The following ABCB9 variants were observed in gnomAD, a reference collection of about 807,000 sequenced individuals.
ABCB9 encodes ABC-type oligopeptide transporter ABCB9.
A neutral mutation model predicts 62.0 loss-of-function variants in ABCB9; 36 were observed. The observed-to-expected ratio is 0.58, with a 90% CI of 0.45 to 0.77. ABCB9 has a LOEUF of 0.77. ABCB9 is among the 30% of genes least tolerant of loss of function. ABCB9 has a pLI of 0.00. For missense variants in ABCB9, 943 were observed against 1,054.7 expected (o/e 0.89, Z 1.47); for synonymous variants, 435 against 461.4 (o/e 0.94, Z 0.73).
At chr12:122,918,983 A>G (rs950614773), downstream of ABCB9, among the ~76,000 whole-genome samples, 1 of 152,172 alleles carries the variant, frequency 6.6e-6, no homozygotes, top group African/African-American at 2.4e-5. Context: ...TGTAAAAAGA[A>G]TCATACCATA....
chr12:122,928,919 G>T, downstream of ABCB9: 1 of 826,392 alleles, frequency 1.2e-6, no homozygotes, highest in Non-Finnish European at 1.5e-6. Context: ...AGAGAGGGCT[G>T]AGAGGAGAGC....
At position 122,929,155 on chromosome 12, in the gene ABCB9, C is replaced by T. The variant is rs939545893; in HGVS notation, c.*756G>A. ...GCCTCCAGACAGCAGAGCACAGGGG[C>T]GGGTGTGGGGAGGGAGGCTGCCAGC... On this transcript the variant is annotated 3_prime_UTR_variant, in exon 12 of 12. Coordinates refer to ENST00000280560, the MANE Select transcript of ABCB9 (RefSeq NM_019625.4). The surrounding 1 kb of genome is among the most constrained non-coding windows in gnomAD (Gnocchi z 6.0). 8.4e-5 allele frequency: 12 copies of T among 142,098 alleles called. No individual in the cohort carries two copies. The highest frequency in any genetic ancestry group is 1.6e-4 in the Non-Finnish European group (12 of 75,112). 8.8% of individuals were successfully genotyped at this position (142,098 alleles called of 1,614,324 possible).
rs907975643 is a variant in ABCB9, at chr12:122,932,656, A to T, written c.1904-328T>A. ...GAGTTGGAGCGAGCCCCATGGCTTG[A>T]AGAGCTGCAGCAATAACCCTGGGTC... On this transcript the variant is annotated intron_variant, in intron 10 of 11. Transcript: ENST00000280560. This position sits in a 1 kb window ranked among gnomAD's most constrained non-coding sequence, Gnocchi z 4.7. 7.2e-5 allele frequency among the ~76,000 whole-genome samples: 11 copies of T among 152,176 alleles called. No homozygotes were observed. Among genetic ancestry groups the T allele is most frequent in the African/African-American group, 2.4e-4 (10 of 41,456 alleles).
chr12:122,928,932 T>A, downstream of ABCB9: 1 of 895,640 alleles, frequency 1.1e-6, no homozygotes, highest in Non-Finnish European at 1.3e-6. Flanking sequence ...AGGAGAGCCG[T>A]GGTCTGGTGG....
At chr12:122,955,688 C>T (rs1295778034) in intron 2 of ABCB9, among the ~76,000 whole-genome samples, 1 of 151,966 alleles carries the variant, frequency 6.6e-6, no homozygotes, top group Admixed American at 6.6e-5. Flanking sequence ...AGCATAAATG[C>T]ATAGTTTTTT....
chr12:122,944,788 C>T lies in ABCB9; in HGVS notation c.1252-269G>A. On this transcript the variant is annotated intron_variant, in intron 6 of 11. Coordinates refer to ENST00000280560, the MANE Select transcript of ABCB9 (RefSeq NM_019625.4). The surrounding 1 kb of genome is among the most constrained non-coding windows in gnomAD (Gnocchi z 4.9). ...TTTGTGAGGTCCTGGCACACACATGCCACCCCCAGGCTCCTCAGCTTGGCC... is the reference window on the plus strand; with the variant it reads ...TTTGTGAGGTCCTGGCACACACATGTCACCCCCAGGCTCCTCAGCTTGGCC... The T allele has an allele frequency of 2.8e-6, 1 of 359,030 alleles. No homozygotes were observed. Among genetic ancestry groups the T allele is most frequent in the Non-Finnish European group, 5.3e-6 (1 of 189,638 alleles). The allele number at this position is 359,030 out of a possible 1,614,324, so 22.2% of individuals were successfully genotyped here.
rs1046367639 is a variant in ABCB9 at position 122,950,528 on chromosome 12, A to G, written c.639T>C (p.Ile213=). 1.2e-6 allele frequency: 2 copies of G among 1,613,272 alleles called. No individual in the cohort carries two copies. Among genetic ancestry groups the G allele is most frequent in the Non-Finnish European group, 1.7e-6 (2 of 1,179,980 alleles). Residue 213 remains isoleucine (I), a synonymous_variant, in exon 3 of 12, where the codon ATT becomes ATC. Transcript: ENST00000280560. Reference sequence around the variant, plus strand: ...TGCTTTTCTGGATGACGATGCCATCAATGGCGCGGCCCGTGTAGTAGGGCA... The same window carrying G: ...TGCTTTTCTGGATGACGATGCCATCGATGGCGCGGCCCGTGTAGTAGGGCA... ...TFLPYYTGRA[I]DGIVIQKSMD... is the part of the protein sequence containing the mutation.
rs1484409059 is a variant in ABCB9, at chr12:122,944,714, G to A, written c.1252-195C>T. 1.5e-6 allele frequency: 1 copy of A among 674,334 alleles called. No individual in the cohort carries two copies. The highest frequency in any genetic ancestry group is 1.8e-5 in the African/African-American group (1 of 55,218). The allele number at this position is 674,334 out of a possible 1,614,324, so 41.8% of individuals were successfully genotyped here. A position where few individuals can be genotyped will look rare whatever the true frequency, so the allele number is the denominator to read the frequency against. On this transcript the variant is annotated intron_variant, in intron 6 of 11. Coordinates refer to ENST00000280560, the MANE Select transcript of ABCB9 (RefSeq NM_019625.4). The surrounding 1 kb of genome is among the most constrained non-coding windows in gnomAD (Gnocchi z 4.9). Reference sequence around the variant, plus strand: ...CCTGCCCCGAGCATTTCCCTACAGAGGCCTCCAGCTGGAGCAGGCTGTGGG... The same window carrying A: ...CCTGCCCCGAGCATTTCCCTACAGAAGCCTCCAGCTGGAGCAGGCTGTGGG...
chr12:122,950,618 C>T, intron 2 of ABCB9, 53 bp from the exon 3 acceptor site: 1 of 1,449,552 alleles, frequency 6.9e-7, no homozygotes, highest in African/African-American at 1.4e-5. Flanking sequence ...GAACCCGCAC[C>T]CTTCCTCCTG....
At chr12:122,934,310 A>C (rs2035345705) in intron 10 of ABCB9, among the ~76,000 whole-genome samples, 1 of 152,154 alleles carries the variant, frequency 6.6e-6, no homozygotes, top group Non-Finnish European at 1.5e-5. Flanking sequence ...CCTAAGGGAA[A>C]ATTTTTATCT....
downstream of ABCB9, among the ~76,000 whole-genome samples, chr12:122,919,104 A>G (rs1451301555): frequency 7.9e-5 from 12 of 152,162 alleles, no homozygotes; most frequent in Non-Finnish European, 1.5e-5. Context: ...CATATCCCAC[A>G]GTATGTGCAT....
At chr12:122,933,556 G>GAA (rs781294476) in intron 10 of ABCB9, among the ~76,000 whole-genome samples, 1 of 126,616 alleles carries the variant, frequency 7.9e-6, no homozygotes, top group Non-Finnish European at 1.7e-5. Flanking sequence ...TCCATCTCAA[G>GAA]AAAAAAAAAA....
rs984574170 is a variant in ABCB9, at chr12:122,930,589, T to C, written c.2041-418A>G. Among the ~76,000 whole-genome samples the C allele has an allele frequency of 6.6e-6, 1 of 152,060 alleles. No homozygotes were observed. Among genetic ancestry groups the C allele is most frequent in the Non-Finnish European group, 1.5e-5 (1 of 68,016 alleles). ...CATACCCAGCTAATTTTTGTATTTT[T>C]AGTAGAGACAGGGTTTCACCATGTT... On this transcript the variant is annotated intron_variant, in intron 11 of 11. Coordinates refer to ENST00000280560, the MANE Select transcript of ABCB9 (RefSeq NM_019625.4). This position sits in a 1 kb window ranked among gnomAD's most constrained non-coding sequence, Gnocchi z 4.9.
rs1594031208 is a variant in ABCB9, at chr12:122,947,337, A to G, written c.1054-1115T>C. On this transcript the variant is annotated intron_variant, in intron 5 of 11. Coordinates refer to ENST00000280560, the MANE Select transcript of ABCB9 (RefSeq NM_019625.4). The surrounding 1 kb of genome is among the most constrained non-coding windows in gnomAD (Gnocchi z 6.0). Reference sequence around the variant, plus strand: ...GAGGCTCGTGACCAGGAACTTCGGGAAGAGGTCCTACCTGTGTGGCTGGAG... The same window carrying G: ...GAGGCTCGTGACCAGGAACTTCGGGGAGAGGTCCTACCTGTGTGGCTGGAG... 3.9e-6 allele frequency: 1 copy of G among 259,090 alleles called. No homozygotes were observed. Among genetic ancestry groups the G allele is most frequent in the Non-Finnish European group, 8.5e-6 (1 of 117,912 alleles). The allele number at this position is 259,090 out of a possible 1,614,324, so 16.0% of individuals were successfully genotyped here.
intron 2 of ABCB9, among the ~76,000 whole-genome samples, chr12:122,954,555 C>A (rs372737651): frequency 6.6e-6 from 1 of 151,986 alleles, no homozygotes; most frequent in African/African-American, 2.4e-5. Context: ...TGCAGTGGCA[C>A]GATATCAGCT....
At position 122,960,063 on chromosome 12, in the gene ABCB9, C is replaced by G. The variant is rs2036813255; in HGVS notation, c.173G>C (p.Ser58Thr). 6.2e-7 allele frequency: 1 copy of G among 1,613,410 alleles called. No individual in the cohort carries two copies. Among genetic ancestry groups the G allele is most frequent in the East Asian group, 2.2e-5 (1 of 44,892 alleles). Residue 58 changes from serine (S) to threonine (T), a missense_variant, in exon 2 of 12, where the codon AGC (serine) becomes ACC (threonine). Ser to Thr is a moderately conservative substitution (Grantham distance 58, BLOSUM62 1). Coordinates refer to ENST00000280560, the MANE Select transcript of ABCB9 (RefSeq NM_019625.4). ...AATGGTGGCTCCCAGCAGCAGGCAG[C>G]TGCGGTACAGGCAGGCTGCCCAGAG... ...LDLWAACLYR[S>T]CLLLGATIGV...
At position 122,932,172 on chromosome 12, in the gene ABCB9, C is replaced by T; in HGVS notation, c.2040+20G>A. ...TGGAGCCGCTCCTGCCCCCGCATTGCCCACCACCCTGTGACTCACCAGATA... is the reference window on the plus strand; with the variant it reads ...TGGAGCCGCTCCTGCCCCCGCATTGTCCACCACCCTGTGACTCACCAGATA... On this transcript the variant is annotated intron_variant, in intron 11 of 11. Transcript: ENST00000280560. This position sits in a 1 kb window ranked among gnomAD's most constrained non-coding sequence, Gnocchi z 4.7. 2 of 1,551,566 alleles carry T rather than the reference C, an allele frequency of 1.3e-6. No homozygotes were observed. Among genetic ancestry groups the T allele is most frequent in the Non-Finnish European group, 8.7e-7 (1 of 1,147,402 alleles).
intron 9 of ABCB9, chr12:122,939,590 G>A (rs1466269188): frequency 6.5e-6 from 1 of 152,724 alleles, no homozygotes; most frequent in East Asian, 1.9e-4. Flanking sequence ...GCAGTGCAGT[G>A]GCCCAGTCTC....
chr12:122,959,055 C>T lies in ABCB9; in HGVS notation c.601+580G>A, dbSNP rs548315027. On this transcript the variant is annotated intron_variant, in intron 2 of 11. Transcript: ENST00000280560. The surrounding 1 kb of genome is among the most constrained non-coding windows in gnomAD (Gnocchi z 5.4). ...TGGCCTATTTTTTCGTTTTAAATTACATAAAATAGAAATGGGGCAGGCACC... is the reference window on the plus strand; with the variant it reads ...TGGCCTATTTTTTCGTTTTAAATTATATAAAATAGAAATGGGGCAGGCACC... Among the ~76,000 whole-genome samples, 42 of 145,132 alleles carry T rather than the reference C, an allele frequency of 2.9e-4. 1 individual carries two copies. The highest frequency in any genetic ancestry group is 1.7e-3 in the East Asian group (7 of 4,198).
Sources: gnomAD v4.1 joint callset for allele counts (sites outside exome capture counted in the v4.1 genomes callset) on GRCh38, gnomAD v4.1.1 for gene constraint, Gnocchi (gnomAD v3.1) non-coding constraint, MANE v1.5 for transcripts, NCBI Gene and HGNC (gene_info 2026-07-23, HGNC 2026-07-21) for gene names.